PHACTR3: variants seen among roughly 807,000 people sequenced by gnomAD.
The protein encoded by PHACTR3 is protein phosphatase 1, regulatory subunit 123.
Under a neutral mutation model 66.8 loss-of-function variants are expected in PHACTR3, and 16 were observed. The observed-to-expected ratio is 0.24, with a 90% CI of 0.16 to 0.36. The LOEUF (loss-of-function observed/expected upper bound fraction) is 0.36. PHACTR3 is among the 10% of genes least tolerant of loss of function. The pLI, the probability that PHACTR3 is intolerant of heterozygous loss-of-function variation, is 1.00. For missense variants in PHACTR3, 647 were observed against 719.9 expected, an observed-to-expected ratio of 0.90 and a Z score of 1.16; for synonymous variants, 323 against 292.1, an observed-to-expected ratio of 1.11 and a Z score of -1.08.
chr20:59,708,684 C>G (rs1318363463), intron 1 of PHACTR3, among the ~76,000 whole-genome samples: 4 of 152,198 alleles, frequency 2.6e-5, no homozygotes, highest in Non-Finnish European at 5.9e-5. Context: ...AGCTCATTGT[C>G]TAGGATCTTT....
chr20:59,612,437 T>C (rs988163907), intron 1 of PHACTR3, among the ~76,000 whole-genome samples: 4 of 151,948 alleles, frequency 2.6e-5, no homozygotes, highest in Admixed American at 6.6e-5. Flanking sequence ...CTCGGCTCAC[T>C]GTGACCTCTG....
intron 1 of PHACTR3, among the ~76,000 whole-genome samples, chr20:59,722,492 A>G (rs1306008259): frequency 6.6e-6 from 1 of 152,070 alleles, no homozygotes; most frequent in Non-Finnish European, 1.5e-5. Flanking sequence ...CATGATGGAG[A>G]AGGCACCAAG....
At position 59,743,993 on chromosome 20, in the gene PHACTR3, G is replaced by A. The variant is rs560703823; in HGVS notation, c.280+725G>A. Among the ~76,000 whole-genome samples, 21 of 152,302 alleles carry A rather than the reference G, an allele frequency of 1.4e-4. No homozygotes were observed. In the South Asian group the frequency reaches 2.1e-3, roughly 15 times the overall value. ...TGCGATGGCTGGTCCCGTTGCCCCC[G>A]CCTCCTCGGAATCCAGCTTGGGAAC... On this transcript the variant is annotated intron_variant, in intron 2 of 12. Transcript: ENST00000371015.
chr20:59,598,194 C>T (rs1047712093), intron 1 of PHACTR3, among the ~76,000 whole-genome samples: 4 of 152,244 alleles, frequency 2.6e-5, no homozygotes, highest in African/African-American at 9.6e-5. Context: ...TGTCTTCTAT[C>T]TCTGCTGCCT....
chr20:59,721,764 T>G (rs571068563), intron 1 of PHACTR3, among the ~76,000 whole-genome samples: 1 of 152,258 alleles, frequency 6.6e-6, no homozygotes, highest in Admixed American at 6.5e-5. Context: ...CGGAGGAACT[T>G]GAACACAGTA....
chr20:59,672,734 C>T (rs990779938), intron 1 of PHACTR3, among the ~76,000 whole-genome samples: 2 of 152,182 alleles, frequency 1.3e-5, no homozygotes, highest in Non-Finnish European at 2.9e-5. Context: ...CAGCTTGCGG[C>T]CTCCTTCCCT....
intron 1 of PHACTR3, among the ~76,000 whole-genome samples, chr20:59,635,983 G>A (rs1330367377): frequency 6.6e-6 from 1 of 152,208 alleles, no homozygotes; most frequent in African/African-American, 2.4e-5. Flanking sequence ...CCTCCTAAGA[G>A]ACTTTGATCA....
chr20:59,769,392 C>T (rs1261277832), intron 5 of PHACTR3, among the ~76,000 whole-genome samples: 1 of 152,220 alleles, frequency 6.6e-6, no homozygotes, highest in Non-Finnish European at 1.5e-5. Flanking sequence ...ATGTGACAGG[C>T]AGGACAGGAC....
chr20:59,599,666 C>T (rs2033418894), upstream of PHACTR3, among the ~76,000 whole-genome samples: 1 of 152,002 alleles, frequency 6.6e-6, no homozygotes, highest in Admixed American at 6.6e-5. Context: ...ATTCTACCCC[C>T]CTCATAAATA....
chr20:59,759,039 G>T (rs2039906024), intron 4 of PHACTR3, among the ~76,000 whole-genome samples: 1 of 152,110 alleles, frequency 6.6e-6, no homozygotes, highest in South Asian at 2.1e-4. Context: ...TGTCTTCATT[G>T]TCAAAAACAA....
At chr20:59,824,179 T>C (rs1281814442) in intron 8 of PHACTR3, among the ~76,000 whole-genome samples, 3 of 152,106 alleles carry the variant, frequency 2.0e-5, no homozygotes, top group Non-Finnish European at 4.4e-5. Context: ...CCAGACGCCG[T>C]CACAGCAGCA....
intron 1 of PHACTR3, among the ~76,000 whole-genome samples, chr20:59,728,897 A>G (rs1323371687): frequency 1.3e-5 from 2 of 152,138 alleles, no homozygotes; most frequent in Admixed American, 6.5e-5. Context: ...GGGTGCTTGG[A>G]TGTCTCACTG....
Position 59,592,458 on chromosome 20 carries a change from A to G in PHACTR3, c.109+14841A>G, listed in dbSNP as rs149205830. Among the ~76,000 whole-genome samples the G allele has an allele frequency of 3.9e-5, 6 of 152,282 alleles. No homozygotes were observed. The East Asian group carries it at 9.6e-4, about 24-fold the overall frequency. On this transcript the variant is annotated intron_variant, in intron 1 of 12. Coordinates refer to the PHACTR3 transcript ENST00000359926. ...GCACCTACATGGACGCAGGAAGATC[A>G]CCCACAGTCCCTGGTTTACATTAGG...
chr20:59,668,870 TTTTTATTTTATTTTA>T lies in PHACTR3; in HGVS notation c.118+63773_118+63787del, dbSNP rs76833383. Among the ~76,000 whole-genome samples, 161 of 138,674 alleles carry T rather than the reference TTTTTATTTTATTTTA, an allele frequency of 1.2e-3. 2 individuals carry two copies. Among genetic ancestry groups the T allele is most frequent in the African/African-American group, 1.4e-3 (53 of 36,914 alleles). The allele number at this position is 138,674 out of a possible 152,430, so 91.0% of individuals were successfully genotyped here. A position where few individuals can be genotyped will look rare whatever the true frequency, so the allele number is the denominator to read the frequency against. ...TGCCCGTCACCACACACAGCTAATT[TTTTTATTTTATTTTA>T]TTTTATTTTATTTTATTTTATTTTA... On this transcript the variant is annotated intron_variant, in intron 1 of 12. Coordinates refer to ENST00000371015, the MANE Select transcript of PHACTR3 (RefSeq NM_080672.5).
At chr20:59,787,539 A>C (rs1248049586) in intron 7 of PHACTR3, among the ~76,000 whole-genome samples, 1 of 152,230 alleles carries the variant, frequency 6.6e-6, no homozygotes, top group Non-Finnish European at 1.5e-5. Context: ...AAGAAAATGC[A>C]CAAGAGATAT....
chr20:59,722,478 G>A (rs1568745966), intron 1 of PHACTR3, among the ~76,000 whole-genome samples: 1 of 152,152 alleles, frequency 6.6e-6, no homozygotes, highest in Admixed American at 6.5e-5. Context: ...TGGAATGGAG[G>A]GAGCATGATG....
intron 1 of PHACTR3, among the ~76,000 whole-genome samples, chr20:59,621,323 G>A (rs1004574230): frequency 6.6e-6 from 1 of 152,240 alleles, no homozygotes; most frequent in African/African-American, 2.4e-5. Context: ...CAGAGTTGGG[G>A]CTTGCCCAGA....
intron 8 of PHACTR3, 47 bp downstream of exon 8, chr20:59,806,241 C>A (rs749628731): frequency 1.3e-6 from 2 of 1,588,980 alleles, no homozygotes; most frequent in South Asian, 1.2e-5. Flanking sequence ...TCTGGCCTTG[C>A]AGGCGGAGCC....
intron 1 of PHACTR3, among the ~76,000 whole-genome samples, chr20:59,739,860 G>A (rs6128675): frequency 3.3e-5 from 5 of 151,944 alleles, no homozygotes; most frequent in Admixed American, 6.6e-5. Context: ...GGGTCCCCTC[G>A]ATGCAGCTTT....
Sources: allele counts gnomAD v4.1 joint callset (sites outside exome capture counted in the v4.1 genomes callset), GRCh38; gene constraint gnomAD v4.1.1; transcripts MANE v1.5; gene names NCBI Gene and HGNC (gene_info 2026-07-23, HGNC 2026-07-21).